Variants in RORA observed in about 807,000 individuals in gnomAD.
RORA encodes nuclear receptor ROR-alpha.
Under a neutral mutation model 69.5 loss-of-function variants are expected in RORA, and 7 were observed. The ratio of observed to expected loss-of-function variants is 0.10; its 90% confidence interval spans 0.06 to 0.19. RORA has a LOEUF of 0.19. Among genes scored for constraint, RORA ranks in the 10% least tolerant of loss-of-function variants. The probability of loss-of-function intolerance (pLI) is 1.00; values close to 1 mark genes in which losing one functional copy is unlikely to be tolerated. For missense variants in RORA, 457 were observed against 663.0 expected (o/e 0.69, Z 3.41); for synonymous variants, 261 against 240.8 (o/e 1.08, Z -0.78).
intron 1 of RORA, among the ~76,000 whole-genome samples, chr15:60,985,780 T>G (rs1242772512): frequency 2.0e-5 from 3 of 152,080 alleles, no homozygotes; most frequent in Non-Finnish European, 4.4e-5. Context: ...AAACGGGGTT[T>G]CACCATGTTG....
At chr15:60,724,584 T>C (rs57953787) in intron 1 of RORA, among the ~76,000 whole-genome samples, 8,837 of 152,226 alleles carry the variant, frequency 0.058, 491 homozygotes, top group African/African-American at 0.15. Flanking sequence ...AGGACTCCGA[T>C]GCTGTGTCCT....
intron 1 of RORA, among the ~76,000 whole-genome samples, chr15:60,800,510 T>C (rs2072564578): frequency 6.6e-6 from 1 of 152,222 alleles, no homozygotes; most frequent in Non-Finnish European, 1.5e-5. Context: ...TTTCACATCG[T>C]TTCTTCCTTT....
chr15:60,588,487 CT>C (rs2068402290), intron 2 of RORA, among the ~76,000 whole-genome samples: 1 of 126,850 alleles, frequency 7.9e-6, no homozygotes, highest in Non-Finnish European at 1.7e-5. Flanking sequence ...CATCCAGTAA[CT>C]TTTCTCCAGT....
intron 1 of RORA, among the ~76,000 whole-genome samples, chr15:60,725,686 T>A (rs1026552806): frequency 3.3e-5 from 5 of 152,204 alleles, no homozygotes; most frequent in African/African-American, 2.4e-5. Context: ...TTGTACCCCC[T>A]CCCATGGAAA....
intron 1 of RORA, among the ~76,000 whole-genome samples, chr15:60,758,054 T>C (rs2071827856): frequency 6.6e-6 from 1 of 152,220 alleles, no homozygotes; most frequent in Non-Finnish European, 1.5e-5. Flanking sequence ...CACCTCTAGG[T>C]GAAGGCTATT....
At chr15:61,181,261 T>G (rs888583023) in intron 1 of RORA, 1 of 152,170 alleles carries the variant, frequency 6.6e-6, no homozygotes, top group East Asian at 1.9e-4. Flanking sequence ...AGTGAGTTGG[T>G]CTTAACATGT....
At chr15:61,038,720 T>C (rs888601496) in intron 1 of RORA, 3 of 152,256 alleles carry the variant, frequency 2.0e-5, no homozygotes, top group Admixed American at 6.5e-5. Flanking sequence ...CGGAAGATTC[T>C]AGGCAGCAAT....
intron 1 of RORA, among the ~76,000 whole-genome samples, chr15:60,814,170 T>C (rs2072779251): frequency 2.6e-5 from 4 of 152,178 alleles, no homozygotes; most frequent in South Asian, 2.1e-4. Flanking sequence ...TCCATGCCCT[T>C]ACTCAGGCTG....
At chr15:60,579,325 T>C (rs1382127521) in intron 2 of RORA, among the ~76,000 whole-genome samples, 1 of 152,184 alleles carries the variant, frequency 6.6e-6, no homozygotes, top group Non-Finnish European at 1.5e-5. Flanking sequence ...GATCACACAT[T>C]GAAGACCACT....
At chr15:60,538,322 C>T (rs2066745742) in intron 2 of RORA, among the ~76,000 whole-genome samples, 1 of 152,150 alleles carries the variant, frequency 6.6e-6, no homozygotes, top group Admixed American at 6.5e-5. Flanking sequence ...TCACTTACAC[C>T]TCCACTTCCT....
chr15:61,207,684 G>C (rs1217686748), intron 1 of RORA, among the ~76,000 whole-genome samples: 1 of 152,196 alleles, frequency 6.6e-6, no homozygotes, highest in Non-Finnish European at 1.5e-5. Flanking sequence ...CCCTCTGTGG[G>C]TTTGTTATTG....
At chr15:60,806,135 T>G (rs2072656796) in intron 1 of RORA, among the ~76,000 whole-genome samples, 1 of 152,068 alleles carries the variant, frequency 6.6e-6, no homozygotes, top group Non-Finnish European at 1.5e-5. Context: ...AGTAGAAAAG[T>G]CAGATCTGTC....
At chr15:61,166,653 C>G (rs956306410) in intron 1 of RORA, among the ~76,000 whole-genome samples, 2 of 151,976 alleles carry the variant, frequency 1.3e-5, no homozygotes, top group African/African-American at 4.8e-5. Flanking sequence ...TATGTGGCCT[C>G]AGAGAGGTCA....
intron 1 of RORA, among the ~76,000 whole-genome samples, chr15:60,765,778 A>T (rs117496737): frequency 1.3e-5 from 2 of 152,076 alleles, no homozygotes; most frequent in African/African-American, 4.8e-5. Flanking sequence ...TTTCCATCGC[A>T]TGATTTCACC....
At chr15:60,824,906 G>A (rs1056094594) in intron 1 of RORA, among the ~76,000 whole-genome samples, 2 of 152,158 alleles carry the variant, frequency 1.3e-5, no homozygotes, top group African/African-American at 2.4e-5. Context: ...TAACCTAATG[G>A]TTGTGGAAAA....
intron 1 of RORA, among the ~76,000 whole-genome samples, chr15:60,774,480 C>T (rs1762895944): frequency 6.6e-6 from 1 of 152,348 alleles, no homozygotes; most frequent in Non-Finnish European, 1.5e-5. Flanking sequence ...AGGACTCTTC[C>T]TCACATGGCT....
At chr15:60,883,130 CA>C (rs60074751) in intron 1 of RORA, among the ~76,000 whole-genome samples, 1,111 of 43,036 alleles carry the variant, frequency 0.026, 16 homozygotes, top group East Asian at 0.059. Context: ...GACATCGTCT[CA>C]AAAAAAAAAA....
chr15:60,675,043 T>C (rs1327420878), intron 2 of RORA, among the ~76,000 whole-genome samples: 1 of 152,188 alleles, frequency 6.6e-6, no homozygotes, highest in African/African-American at 2.4e-5. Context: ...TAGGACTCCA[T>C]GATGCTAAAC....
At chr15:61,181,063 C>T (rs2079680505) in intron 1 of RORA, among the ~76,000 whole-genome samples, 2 of 147,392 alleles carry the variant, frequency 1.4e-5, no homozygotes, top group African/African-American at 2.5e-5. Flanking sequence ...GAGATCATGC[C>T]ACTGCATTCC....
Sources: allele counts gnomAD v4.1 joint callset (sites outside exome capture counted in the v4.1 genomes callset), GRCh38; gene constraint gnomAD v4.1.1; transcripts MANE v1.5; gene names NCBI Gene and HGNC (gene_info 2026-07-23, HGNC 2026-07-21).